The following ASTN2 variants were observed in gnomAD, a reference collection of about 807,000 sequenced individuals.
ASTN2 encodes astrotactin-2.
ASTN2 carries 54 observed loss-of-function variants against 139.8 expected under a neutral mutation model. The observed-to-expected ratio is 0.39, with a 90% CI of 0.31 to 0.48. The LOEUF is 0.48. Ranked by LOEUF, ASTN2 falls within the 20% of genes least tolerant of loss-of-function variation. The pLI, the probability that ASTN2 is intolerant of heterozygous loss-of-function variation, is 0.95. For synonymous variants in ASTN2, 756 were observed against 719.5 expected (o/e 1.05, Z -0.81); for missense variants, 1,565 against 1,725.1 (o/e 0.91, Z 1.64).
chr9:116,941,765 C>T (rs1835237047), intron 10 of ASTN2, among the ~76,000 whole-genome samples: 1 of 152,086 alleles, frequency 6.6e-6, no homozygotes, highest in South Asian at 2.1e-4. Context: ...AAACTACAGA[C>T]TTTCTTTGGA....
chr9:116,946,863 C>T (rs1835409572), intron 10 of ASTN2, among the ~76,000 whole-genome samples: 1 of 147,546 alleles, frequency 6.8e-6, no homozygotes, highest in South Asian at 2.2e-4. Context: ...CCCATGCCAC[C>T]CCCAACCTCC....
chr9:117,414,982 G>A lies in ASTN2; in HGVS notation c.-44C>T. The A allele has an allele frequency of 4.6e-6, 1 of 216,356 alleles. No individual in the cohort carries two copies. Among genetic ancestry groups the A allele is most frequent in the Non-Finnish European group, 8.4e-6 (1 of 118,986 alleles). 13.4% of individuals were successfully genotyped at this position (216,356 alleles called of 1,614,324 possible). A position where few individuals can be genotyped will look rare whatever the true frequency, so the allele number is the denominator to read the frequency against. On this transcript the variant is annotated 5_prime_UTR_variant, in exon 1 of 23. Transcript: ENST00000313400. This position sits in a 1 kb window ranked among gnomAD's most constrained non-coding sequence, Gnocchi z 4.2. ...GCTGCGGGCGGCGGCGGCGGTGGCGGCGGTGGCGAAGGAGGAAGAGGAGGC... is the reference window on the plus strand; with the variant it reads ...GCTGCGGGCGGCGGCGGCGGTGGCGACGGTGGCGAAGGAGGAAGAGGAGGC...
chr9:116,723,961 T>A (rs891974050), intron 16 of ASTN2, among the ~76,000 whole-genome samples: 2 of 40,176 alleles, frequency 5.0e-5, no homozygotes, highest in South Asian at 8.0e-4. Context: ...CAGCACTCTT[T>A]CTTCCCCTCT....
chr9:116,822,701 G>A (rs551923484), intron 11 of ASTN2, among the ~76,000 whole-genome samples: 7 of 152,214 alleles, frequency 4.6e-5, no homozygotes, highest in East Asian at 3.9e-4. Flanking sequence ...TTATCTAAGC[G>A]CTTTACCCGT....
intron 10 of ASTN2, among the ~76,000 whole-genome samples, chr9:116,901,845 T>C (rs1175852871): frequency 6.6e-6 from 1 of 152,118 alleles, no homozygotes; most frequent in Non-Finnish European, 1.5e-5. Flanking sequence ...CTGGCCAACA[T>C]GGTGAAACCC....
intron 19 of ASTN2, among the ~76,000 whole-genome samples, chr9:116,593,940 T>C (rs1293792842): frequency 1.3e-5 from 2 of 152,172 alleles, no homozygotes; most frequent in Non-Finnish European, 2.9e-5. Context: ...TCAATTGCAA[T>C]GGACAGTTCC....
At chr9:116,517,889 AC>A (rs533904260) in intron 19 of ASTN2, among the ~76,000 whole-genome samples, 1 of 152,230 alleles carries the variant, frequency 6.6e-6, no homozygotes, top group Non-Finnish European at 1.5e-5. Flanking sequence ...ATGGAACTGA[AC>A]AAGTGGAAGA....
chr9:117,048,785 T>C (rs1838821812), intron 5 of ASTN2, among the ~76,000 whole-genome samples: 1 of 152,060 alleles, frequency 6.6e-6, no homozygotes, highest in South Asian at 2.1e-4. Context: ...GAAGTGACAG[T>C]CTTAAAGGTG....
At chr9:116,899,992 C>T (rs116833812) in intron 10 of ASTN2, among the ~76,000 whole-genome samples, 4,325 of 152,242 alleles carry the variant, frequency 0.028, 225 homozygotes, top group African/African-American at 0.099. Flanking sequence ...CATTTCATCC[C>T]CAACCCAACA....
chr9:117,327,559 T>C (rs1431114185), intron 1 of ASTN2, among the ~76,000 whole-genome samples: 6 of 151,984 alleles, frequency 3.9e-5, no homozygotes, highest in African/African-American at 1.5e-4. Flanking sequence ...GAAGTGTGCA[T>C]ATGTTAAGTA....
intron 22 of ASTN2, among the ~76,000 whole-genome samples, chr9:116,428,368 A>G (rs1157013994): frequency 6.6e-6 from 1 of 152,112 alleles, no homozygotes; most frequent in Non-Finnish European, 1.5e-5. Flanking sequence ...TACTAAAAAT[A>G]CAAAATTTAG....
chr9:117,376,745 T>G (rs1445529069), intron 1 of ASTN2, among the ~76,000 whole-genome samples: 1 of 152,146 alleles, frequency 6.6e-6, no homozygotes, highest in Non-Finnish European at 1.5e-5. Context: ...GCTATGATGT[T>G]TTCTTGGGAA....
chr9:117,306,170 G>T (rs564911524), intron 1 of ASTN2, among the ~76,000 whole-genome samples: 1 of 152,250 alleles, frequency 6.6e-6, no homozygotes, highest in South Asian at 2.1e-4. Flanking sequence ...ACCCCACTTG[G>T]TTCTTTCCAT....
chr9:116,527,238 C>T (rs937519501), intron 19 of ASTN2, among the ~76,000 whole-genome samples: 4 of 152,040 alleles, frequency 2.6e-5, no homozygotes, highest in Admixed American at 2.0e-4. Flanking sequence ...AGAGTGAAGA[C>T]AAAATCTACA....
At chr9:117,125,067 T>C (rs1380005451) in intron 4 of ASTN2, among the ~76,000 whole-genome samples, 1 of 152,216 alleles carries the variant, frequency 6.6e-6, no homozygotes, top group Non-Finnish European at 1.5e-5. Flanking sequence ...ACATGAATAT[T>C]TCAGAAGCAA....
intron 3 of ASTN2, among the ~76,000 whole-genome samples, chr9:117,152,232 G>T (rs544618738): frequency 6.6e-6 from 1 of 152,034 alleles, no homozygotes; most frequent in Non-Finnish European, 1.5e-5. Flanking sequence ...ATTGTTATCC[G>T]GCTTAACCTA....
chr9:117,106,295 C>T (rs573167957), intron 4 of ASTN2, among the ~76,000 whole-genome samples: 17 of 152,076 alleles, frequency 1.1e-4, no homozygotes, highest in South Asian at 6.2e-4. Context: ...AGCGCAATCT[C>T]GGCTCACTGC....
intron 3 of ASTN2, among the ~76,000 whole-genome samples, chr9:117,191,267 A>G (rs1831341412): frequency 6.6e-6 from 1 of 151,884 alleles, no homozygotes; most frequent in African/African-American, 2.4e-5. Context: ...GTCCATCAAT[A>G]AATACATTAT....
intron 19 of ASTN2, among the ~76,000 whole-genome samples, chr9:116,592,874 T>C (rs1290014119): frequency 6.6e-6 from 1 of 152,186 alleles, no homozygotes; most frequent in Non-Finnish European, 1.5e-5. Flanking sequence ...TCTTTTCCCT[T>C]CATAATGTTG....
Sources: gnomAD v4.1 joint callset for allele counts (sites outside exome capture counted in the v4.1 genomes callset) on GRCh38, gnomAD v4.1.1 for gene constraint, Gnocchi (gnomAD v3.1) non-coding constraint, MANE v1.5 for transcripts, NCBI Gene and HGNC (gene_info 2026-07-23, HGNC 2026-07-21) for gene names.